LRP1B: variants seen among roughly 807,000 people sequenced by gnomAD.
LRP1B encodes low-density lipoprotein receptor-related protein 1B.
Under a neutral mutation model 556.6 loss-of-function variants are expected in LRP1B, and 217 were observed. The ratio of observed to expected loss-of-function variants is 0.39; its 90% CI spans 0.35 to 0.44. The LOEUF is 0.44. Ranked by LOEUF, LRP1B falls within the 20% of genes least tolerant of loss-of-function variation. The probability of loss-of-function intolerance (pLI) is 1.00; values close to 1 mark genes in which losing one functional copy is unlikely to be tolerated. For synonymous variants in LRP1B, 2,047 were observed against 1,865.8 expected (o/e 1.10, Z -2.50); for missense variants, 5,053 against 5,620.8 (o/e 0.90, Z 3.23).
rs1199263020 is a variant in LRP1B at position 140,534,102 on chromosome 2, T to G, written c.7681A>C (p.Asn2561His). The change falls in exon 47 of 91, where the codon AAT becomes CAT. Residue 2561 changes from asparagine to histidine, a missense_variant. By Grantham distance (68) the Asn-to-His change is moderately conservative. Coordinates refer to ENST00000389484, the MANE Select transcript of LRP1B (RefSeq NM_018557.3). ...TTGCCATGAGGAATGCAGCGGCGAT[T>G]ATAGCATGGCTTGAAGCCTCTTCGA... is the stretch of plus-strand genomic sequence containing the variant. The part of the protein sequence containing the change: ...SCRRGFKPCY[N>H]RRCIPHGKLC... 1 of 1,613,452 alleles carries G rather than the reference T, an allele frequency of 6.2e-7. No individual in the cohort carries two copies. The highest frequency in any genetic ancestry group is 1.7e-5 in the Admixed American group (1 of 59,952).
chr2:140,776,675 A>G (rs1206209388), intron 32 of LRP1B, among the ~76,000 whole-genome samples: 2 of 152,060 alleles, frequency 1.3e-5, no homozygotes, highest in African/African-American at 4.8e-5. Context: ...TAAAATATAC[A>G]TTGTTCTCCC....
chr2:141,624,313 C>T (rs1053567588), intron 2 of LRP1B, among the ~76,000 whole-genome samples: 7 of 151,978 alleles, frequency 4.6e-5, no homozygotes, highest in African/African-American at 1.7e-4. Context: ...AAATGTTAAC[C>T]ATCAGCTAAC....
intron 41 of LRP1B, among the ~76,000 whole-genome samples, chr2:140,692,689 G>T (rs1391994378): frequency 6.6e-6 from 1 of 152,000 alleles, no homozygotes; most frequent in African/African-American, 2.4e-5. Context: ...ATAAACTTCA[G>T]TTGTAATCCT....
In LRP1B at chr2:140,291,318, A is replaced by ATATATATATATTT. The variant is rs369391920; in HGVS notation, c.12967+6489_12967+6490insAAATATATATATA. Among the ~76,000 whole-genome samples the ATATATATATATTT allele has an allele frequency of 4.0e-4, 44 of 109,318 alleles. 2 individuals are homozygous for ATATATATATATTT. The highest frequency in any genetic ancestry group is 9.7e-4 in the South Asian group (3 of 3,096). The allele number at this position is 109,318 out of a possible 152,430, so 71.7% of individuals were successfully genotyped here. ...TTATTTTATATATATATATATATAT[A>ATATATATATATTT]TTTTTATTATACTTTAAGTTCTAGG... is the stretch of plus-strand genomic sequence containing the variant. On this transcript the variant is annotated intron_variant, in intron 84 of 90. Transcript: ENST00000389484.
chr2:140,351,008 T>C lies in LRP1B; in HGVS notation c.11681A>G (p.Asn3894Ser), dbSNP rs1681933741. Residue 3894 changes from asparagine (N) to serine (S), a missense_variant, in exon 77 of 91, where the codon AAT (asparagine) becomes AGT (serine). This residue lies in a region of LRP1B where 599 missense variants were observed against 648.4 expected (regional missense o/e 0.92). Transcript: ENST00000389484. ...TATAAAACCCAGGATATCAGTGTCA[T>C]TAGCAATGTAGAGAACTTGATCTTC... is the stretch of plus-strand genomic sequence containing the variant. ...GSEDQVLYIA[N>S]DTDILGFIYP... 1.9e-6 allele frequency: 3 copies of C among 1,598,708 alleles called. No individual in the cohort carries two copies. Among genetic ancestry groups the C allele is most frequent in the Admixed American group, 3.4e-5 (2 of 59,492 alleles).
At chr2:141,848,048 A>G (rs1342890934) in intron 1 of LRP1B, among the ~76,000 whole-genome samples, 1 of 151,616 alleles carries the variant, frequency 6.6e-6, no homozygotes, top group Non-Finnish European at 1.5e-5. Flanking sequence ...AGAAGCTACA[A>G]TGAGTAAGGA....
chr2:141,465,705 A>G (rs970593665), intron 3 of LRP1B, among the ~76,000 whole-genome samples: 1 of 149,902 alleles, frequency 6.7e-6, no homozygotes, highest in Admixed American at 6.6e-5. Flanking sequence ...AAGCACCACC[A>G]CTCCTGGCTA....
At chr2:141,299,298 TA>T (rs1170666040) in intron 3 of LRP1B, among the ~76,000 whole-genome samples, 2 of 152,226 alleles carry the variant, frequency 1.3e-5, no homozygotes, top group Non-Finnish European at 2.9e-5. Flanking sequence ...TCAATTTCAC[TA>T]TCTGCAATTT....
intron 41 of LRP1B, among the ~76,000 whole-genome samples, chr2:140,695,303 A>T (rs141096184): frequency 6.6e-6 from 1 of 152,042 alleles, no homozygotes; most frequent in Non-Finnish European, 1.5e-5. Flanking sequence ...TTGTAGAGTC[A>T]ATAACTTGCA....
intron 1 of LRP1B, among the ~76,000 whole-genome samples, chr2:141,830,316 A>C (rs1336891770): frequency 6.6e-6 from 1 of 151,786 alleles, no homozygotes; most frequent in Non-Finnish European, 1.5e-5. Context: ...TGATTTCTAC[A>C]GTTTCTAACC....
chr2:141,223,137 C>A (rs529347800), intron 6 of LRP1B, among the ~76,000 whole-genome samples: 1 of 152,182 alleles, frequency 6.6e-6, no homozygotes, highest in African/African-American at 2.4e-5. Flanking sequence ...TCTAGAAAAC[C>A]CCATTGTCTC....
Position 140,485,374 on chromosome 2 carries a change from G to A in LRP1B, c.9394C>T (p.Pro3132Ser). 1 of 1,611,370 alleles carries A rather than the reference G, an allele frequency of 6.2e-7. No homozygotes were observed. The highest frequency in any genetic ancestry group is 8.5e-7 in the Non-Finnish European group (1 of 1,179,152). Residue 3132 changes from proline (P) to serine (S), a missense_variant, in exon 59 of 91, where the codon CCC (proline) becomes TCC (serine). Pro to Ser is a moderately conservative substitution (Grantham distance 74). Transcript: ENST00000389484. Reference protein sequence around the residue: ...TILVSKRLKFPRDLSLDPQAG... With the variant: ...TILVSKRLKFSRDLSLDPQAG... ...TGAGGATCTAAAGACAAGTCTCTGG[G>A]AAACTTCAGCCTTTTGCTAACGAGT...
intron 3 of LRP1B, among the ~76,000 whole-genome samples, chr2:141,354,836 A>G (rs1260505801): frequency 1.3e-5 from 2 of 152,120 alleles, no homozygotes; most frequent in Non-Finnish European, 2.9e-5. Flanking sequence ...AGTCTTAAAA[A>G]AACTTGTCAT....
chr2:142,072,276 A>G (rs1705345370), intron 1 of LRP1B, among the ~76,000 whole-genome samples: 1 of 151,944 alleles, frequency 6.6e-6, no homozygotes, highest in South Asian at 2.1e-4. Context: ...AGTTTTTCTT[A>G]CCTTTGCTCA....
chr2:141,684,615 A>C (rs866679653), intron 2 of LRP1B, among the ~76,000 whole-genome samples: 1 of 152,056 alleles, frequency 6.6e-6, no homozygotes, highest in African/African-American at 2.4e-5. Context: ...AAAGAAAAAA[A>C]AATTGAACAG....
At chr2:141,325,404 T>A (rs1687395619) in intron 3 of LRP1B, among the ~76,000 whole-genome samples, 1 of 152,112 alleles carries the variant, frequency 6.6e-6, no homozygotes, top group Non-Finnish European at 1.5e-5. Context: ...GCTAGAAAAC[T>A]TTTATGAAAC....
intron 41 of LRP1B, among the ~76,000 whole-genome samples, chr2:140,666,886 A>C (rs1180395983): frequency 2.0e-5 from 3 of 152,208 alleles, no homozygotes; most frequent in African/African-American, 7.2e-5. Context: ...ATGAAGTCTC[A>C]AATAAAGCTA....
intron 7 of LRP1B, among the ~76,000 whole-genome samples, chr2:141,130,127 A>G (rs1701313118): frequency 6.6e-6 from 1 of 152,064 alleles, no homozygotes. Flanking sequence ...GCCATTAAAA[A>G]ATATTTAAAT....
intron 29 of LRP1B, among the ~76,000 whole-genome samples, chr2:140,845,422 T>C (rs537033389): frequency 2.0e-5 from 3 of 152,220 alleles, no homozygotes; most frequent in East Asian, 3.9e-4. Context: ...AATAAAAAAT[T>C]CAAGTCTTCT....
Sources: allele counts gnomAD v4.1 joint callset (sites outside exome capture counted in the v4.1 genomes callset), GRCh38; gene constraint gnomAD v4.1.1; regional missense constraint gnomAD v4.1.1; transcripts MANE v1.5; gene names NCBI Gene and HGNC (gene_info 2026-07-23, HGNC 2026-07-21).